CYP4X1: variants seen among roughly 807,000 people sequenced by gnomAD.
CYP4X1 encodes the protein cytochrome P450 family 4 subfamily X member 1.
A neutral mutation model predicts 57.9 loss-of-function variants in CYP4X1; 44 were observed. That is an observed-to-expected ratio of 0.76 (90% confidence interval 0.60 to 0.98). The LOEUF is 0.98. Among genes scored for constraint, CYP4X1 ranks in the 50% least tolerant of loss-of-function variants. The pLI, the probability that CYP4X1 is intolerant of heterozygous loss-of-function variation, is 0.00. For missense variants in CYP4X1, 532 were observed against 623.9 expected (o/e 0.85, Z 1.57); for synonymous variants, 227 against 228.6 (o/e 0.99, Z 0.06).
chr1:47,020,187 T>A (rs1643981108), upstream of CYP4X1, among the ~76,000 whole-genome samples: 1 of 152,210 alleles, frequency 6.6e-6, no homozygotes, highest in Admixed American at 6.5e-5. Context: ...GTTCATGCAC[T>A]TTTCCACCAT....
the CYP4X1 span, among the ~76,000 whole-genome samples, chr1:46,975,643 T>C: frequency 6.6e-6 from 1 of 152,094 alleles, no homozygotes; most frequent in Non-Finnish European, 1.5e-5. Context: ...TTATGTGTCT[T>C]GGGGATGGCC....
At chr1:47,049,537 A>C in intron 11 of CYP4X1, 33 bp downstream of exon 11, 2 of 1,575,700 alleles carry the variant, frequency 1.3e-6, no homozygotes, top group Non-Finnish European at 1.7e-6. Flanking sequence ...GAAAGTACCC[A>C]AAGATGTTTA....
At chr1:46,991,177 T>G in the CYP4X1 span, among the ~76,000 whole-genome samples, 1 of 152,090 alleles carries the variant, frequency 6.6e-6, no homozygotes, top group Non-Finnish European at 1.5e-5. Flanking sequence ...ATGCGTTCTC[T>G]CAAGGTTCAA....
At position 47,050,022 on chromosome 1, in the gene CYP4X1, G is replaced by T; in HGVS notation, c.1378G>T (p.Ala460Ser). The change falls in exon 12 of 12, where the codon GCC (alanine) becomes TCC (serine). Residue 460 changes from alanine to serine, a missense_variant. Transcript: ENST00000371901. ...CAGGAACTGCATTGGGCAGGAGTTT[G>T]CCATGATTGAGTTAAAGGTAACCAT... ...GSRNCIGQEF[A>S]MIELKVTIAL... is the part of the protein sequence containing the mutation. 1 of 1,613,862 alleles carries T rather than the reference G, an allele frequency of 6.2e-7. No homozygotes were observed. Among genetic ancestry groups the T allele is most frequent in the Non-Finnish European group, 8.5e-7 (1 of 1,179,962 alleles).
chr1:47,024,100 C>T (rs1644034935), intron 1 of CYP4X1, 106 bp downstream of exon 1: 6 of 1,404,170 alleles, frequency 4.3e-6, no homozygotes, highest in East Asian at 2.5e-5. Flanking sequence ...CCCTGGGGAC[C>T]CTCCGGCTTG....
chr1:46,965,272 T>A, the CYP4X1 span, among the ~76,000 whole-genome samples: 1 of 152,180 alleles, frequency 6.6e-6, no homozygotes, highest in African/African-American at 2.4e-5. Context: ...GCACCCACTG[T>A]CTGACAATAC....
chr1:46,978,148 G>A, the CYP4X1 span, among the ~76,000 whole-genome samples: 1 of 151,986 alleles, frequency 6.6e-6, no homozygotes, highest in Admixed American at 6.6e-5. Flanking sequence ...ATGTAAATGG[G>A]CTAAATGCTC....
the CYP4X1 span, among the ~76,000 whole-genome samples, chr1:46,995,109 G>C: frequency 6.6e-6 from 1 of 152,166 alleles, no homozygotes; most frequent in Non-Finnish European, 1.5e-5. Context: ...GGTGGATGGA[G>C]CACTGGACTT....
At chr1:46,974,817 T>C in the CYP4X1 span, among the ~76,000 whole-genome samples, 1 of 152,182 alleles carries the variant, frequency 6.6e-6, no homozygotes, top group South Asian at 2.1e-4. Flanking sequence ...TTTGAGCCTA[T>C]GGATGTCCTT....
the CYP4X1 span, chr1:46,967,794 C>A: frequency 7.4e-7 from 1 of 1,357,068 alleles, no homozygotes; most frequent in Non-Finnish European, 9.7e-7. Context: ...GATCAGGCAG[C>A]AGCTCAAAGC....
chr1:47,010,247 C>A, the CYP4X1 span, among the ~76,000 whole-genome samples: 1 of 152,220 alleles, frequency 6.6e-6, no homozygotes, highest in East Asian at 1.9e-4. Context: ...GTATGCAAGG[C>A]TGGTTCAACA....
chr1:47,001,137 G>T, the CYP4X1 span: 1 of 217,604 alleles, frequency 4.6e-6, no homozygotes. Flanking sequence ...TTTTGTACTG[G>T]ACAGGCTCTG....
At chr1:47,001,963 C>T in the CYP4X1 span, among the ~76,000 whole-genome samples, 1 of 152,228 alleles carries the variant, frequency 6.6e-6, no homozygotes, top group South Asian at 2.1e-4. Context: ...GGCCAGGGCC[C>T]AGCTTCCTCT....
chr1:47,049,973 A>G (rs1417975759), intron 11 of CYP4X1, 27 bp from the exon 12 acceptor site: 3 of 1,603,472 alleles, frequency 1.9e-6, no homozygotes, highest in Non-Finnish European at 2.6e-6. Flanking sequence ...TTTTTCAAGT[A>G]TCACTTTCTT....
chr1:46,970,264 T>C, the CYP4X1 span, among the ~76,000 whole-genome samples: 1 of 152,140 alleles, frequency 6.6e-6, no homozygotes, highest in Non-Finnish European at 1.5e-5. Flanking sequence ...TAGGATACAG[T>C]GAAATTTGGA....
At chr1:47,004,623 C>A in the CYP4X1 span, among the ~76,000 whole-genome samples, 1 of 151,432 alleles carries the variant, frequency 6.6e-6, no homozygotes, top group Admixed American at 6.6e-5. Context: ...TTATTTATTT[C>A]TTTTTCTGTC....
chr1:47,047,273 A>G (rs1212670269), intron 9 of CYP4X1, among the ~76,000 whole-genome samples: 1 of 152,166 alleles, frequency 6.6e-6, no homozygotes, highest in Admixed American at 6.5e-5. Context: ...AGCAGGGCTT[A>G]TAGGAAGCAG....
At chr1:47,032,367 C>T (rs1569622515) in intron 3 of CYP4X1, among the ~76,000 whole-genome samples, 1 of 152,270 alleles carries the variant, frequency 6.6e-6, no homozygotes, top group South Asian at 2.1e-4. Flanking sequence ...TTGGGGAAGT[C>T]ATTTAATCTC....
intron 1 of CYP4X1, among the ~76,000 whole-genome samples, chr1:47,028,324 T>A (rs992182363): frequency 9.9e-5 from 15 of 152,224 alleles, no homozygotes; most frequent in Non-Finnish European, 1.9e-4. Context: ...GCAGATCATT[T>A]AACCTAGTCT....
Sources: allele counts gnomAD v4.1 joint callset (sites outside exome capture counted in the v4.1 genomes callset), GRCh38; gene constraint gnomAD v4.1.1; transcripts MANE v1.5; gene names NCBI Gene and HGNC (gene_info 2026-07-23, HGNC 2026-07-21).